Variants in KALRN observed in about 807,000 individuals in gnomAD.
KALRN encodes the protein kalirin RhoGEF kinase.
Under a neutral mutation model 353.7 loss-of-function variants are expected in KALRN, and 70 were observed. The observed-to-expected ratio is 0.20, with a 90% CI of 0.16 to 0.24. KALRN has a LOEUF of 0.24. KALRN is among the 10% of genes least tolerant of loss of function. The probability of loss-of-function intolerance (pLI) is 1.00; values close to 1 mark genes in which losing one functional copy is unlikely to be tolerated. For missense variants in KALRN, 2,791 were observed against 3,756.7 expected, an observed-to-expected ratio of 0.74 and a Z score of 6.72; for synonymous variants, 1,391 against 1,434.8, an observed-to-expected ratio of 0.97 and a Z score of 0.69.
chr3:124,551,294 G>A (rs557641238), intron 33 of KALRN, among the ~76,000 whole-genome samples: 1 of 152,330 alleles, frequency 6.6e-6, no homozygotes, highest in Admixed American at 6.5e-5. Flanking sequence ...ATAGATAAAG[G>A]CCTGTCTTTA....
chr3:124,212,597 G>C (rs569471748), intron 1 of KALRN, among the ~76,000 whole-genome samples: 29 of 152,064 alleles, frequency 1.9e-4, no homozygotes, highest in Non-Finnish European at 3.5e-4. Flanking sequence ...GCAAATATCT[G>C]TCCTCCTTTT....
intron 1 of KALRN, among the ~76,000 whole-genome samples, chr3:124,080,880 T>C (rs1459477647): frequency 1.3e-5 from 2 of 152,232 alleles, no homozygotes. Flanking sequence ...AGCATATCTT[T>C]GATCTCCTGA....
At chr3:124,418,706 G>A (rs1015299892) in intron 14 of KALRN, among the ~76,000 whole-genome samples, 5 of 152,152 alleles carry the variant, frequency 3.3e-5, no homozygotes, top group Admixed American at 6.6e-5. Flanking sequence ...GCAAACTAAC[G>A]CTTATTATTG....
chr3:124,321,469 C>T (rs570304295), intron 6 of KALRN, among the ~76,000 whole-genome samples: 10 of 152,302 alleles, frequency 6.6e-5, no homozygotes, highest in East Asian at 1.9e-4. Flanking sequence ...AGCCGGTAGG[C>T]GTAAGCCAGG....
chr3:124,104,667 G>A (rs1220324536), intron 1 of KALRN, among the ~76,000 whole-genome samples: 1 of 152,100 alleles, frequency 6.6e-6, no homozygotes, highest in African/African-American at 2.4e-5. Flanking sequence ...AGTACTACTG[G>A]GTTCATATGG....
At chr3:124,200,458 A>G (rs1030872912) in intron 1 of KALRN, among the ~76,000 whole-genome samples, 1 of 152,178 alleles carries the variant, frequency 6.6e-6, no homozygotes, top group East Asian at 1.9e-4. Context: ...AGCAGGGGCA[A>G]ATGGGCTCTC....
chr3:124,353,400 CTG>C (rs1033983228), intron 10 of KALRN, among the ~76,000 whole-genome samples: 1 of 152,110 alleles, frequency 6.6e-6, no homozygotes, highest in African/African-American at 2.4e-5. Flanking sequence ...GTGTTGGGCA[CTG>C]TGAAAAGTTA....
At position 124,725,034 on chromosome 3, in the gene KALRN, G is replaced by T. The variant is rs1367046804; in HGVS notation, c.*5564G>T. 6.6e-6 allele frequency: 1 copy of T among 152,206 alleles called. No homozygotes were observed. The highest frequency in any genetic ancestry group is 2.4e-5 in the African/African-American group (1 of 41,470). 9.4% of individuals were successfully genotyped at this position (152,206 alleles called of 1,614,324 possible). A position where few individuals can be genotyped will look rare whatever the true frequency, so the allele number is the denominator to read the frequency against. Reference sequence around the variant, plus strand: ...GAAAAGGAAGCATGGTAGAAGAAATGCAAATAACAATTCTTGGAATGCCAA... The same window carrying T: ...GAAAAGGAAGCATGGTAGAAGAAATTCAAATAACAATTCTTGGAATGCCAA... On this transcript the variant is annotated 3_prime_UTR_variant, in exon 60 of 60. Coordinates refer to ENST00000682506, the MANE Select transcript of KALRN (RefSeq NM_001388419.1).
chr3:124,492,708 G>A lies in KALRN; in HGVS notation c.4690-32G>A, dbSNP rs75995018. On this transcript the variant is annotated intron_variant, in intron 31 of 59. Coordinates refer to ENST00000682506, the MANE Select transcript of KALRN (RefSeq NM_001388419.1). ...TTTTTGGTAAGGTGATGGGAGTTGG[G>A]GTTCTCAGTCTTTCTCCCTGTGGCA... The A allele has an allele frequency of 1.1e-3, 1,844 of 1,608,398 alleles. 1 individual carries two copies. The highest frequency in any genetic ancestry group is 1.5e-3 in the Non-Finnish European group (1,713 of 1,175,868).
intron 37 of KALRN, among the ~76,000 whole-genome samples, chr3:124,642,912 G>A (rs2082264929): frequency 6.6e-6 from 1 of 150,582 alleles, no homozygotes; most frequent in South Asian, 2.1e-4. Context: ...CGCCTCCCGG[G>A]TTCAAGCTAT....
At chr3:124,300,014 A>T (rs1273935801) in intron 6 of KALRN, among the ~76,000 whole-genome samples, 1 of 152,196 alleles carries the variant, frequency 6.6e-6, no homozygotes, top group Non-Finnish European at 1.5e-5. Flanking sequence ...ACAGCTTATC[A>T]TTGTAGCTGG....
At chr3:124,499,177 A>G (rs1462582105) in intron 33 of KALRN, among the ~76,000 whole-genome samples, 1 of 152,142 alleles carries the variant, frequency 6.6e-6, no homozygotes, top group African/African-American at 2.4e-5. Flanking sequence ...ACCATTAAAG[A>G]GCCATGACAC....
chr3:124,070,060 G>A (rs1260030255), intron 1 of KALRN, among the ~76,000 whole-genome samples: 2 of 152,116 alleles, frequency 1.3e-5, no homozygotes, highest in African/African-American at 4.8e-5. Context: ...AAATAAGGAG[G>A]TGATGAAATA....
intron 3 of KALRN, among the ~76,000 whole-genome samples, chr3:124,250,336 G>A (rs1373048082): frequency 6.6e-6 from 1 of 152,224 alleles, no homozygotes; most frequent in African/African-American, 2.4e-5. Context: ...AGAGGGCAGG[G>A]AGAGGTGGGG....
At chr3:124,268,585 A>G in intron 4 of KALRN, 158 bp from the exon 5 acceptor site, 1 of 689,918 alleles carries the variant, frequency 1.4e-6, no homozygotes, top group Non-Finnish European at 2.4e-6. Context: ...CTGATCTGTG[A>G]CTCCTGACCA....
intron 33 of KALRN, among the ~76,000 whole-genome samples, chr3:124,507,455 A>T (rs2065362312): frequency 6.6e-6 from 1 of 152,260 alleles, no homozygotes; most frequent in Admixed American, 6.5e-5. Flanking sequence ...TACCACTGAT[A>T]CATGCCCAAA....
intron 33 of KALRN, among the ~76,000 whole-genome samples, chr3:124,528,968 A>G (rs1011398345): frequency 5.3e-5 from 8 of 152,236 alleles, no homozygotes; most frequent in Non-Finnish European, 7.3e-5. Flanking sequence ...TCCTATCCTG[A>G]TAAAAATTTA....
chr3:124,556,588 G>A (rs2071281803), intron 33 of KALRN, among the ~76,000 whole-genome samples: 1 of 152,262 alleles, frequency 6.6e-6, no homozygotes, highest in South Asian at 2.1e-4. Context: ...AGCTTCTATA[G>A]TGGCCCTAGA....
intron 47 of KALRN, among the ~76,000 whole-genome samples, chr3:124,670,237 G>A (rs559986859): frequency 6.6e-6 from 1 of 152,326 alleles, no homozygotes; most frequent in Admixed American, 6.5e-5. Flanking sequence ...ACCCGCCTTG[G>A]CCTCCCAAAG....
Sources: gnomAD v4.1 joint callset for allele counts (sites outside exome capture counted in the v4.1 genomes callset) on GRCh38, gnomAD v4.1.1 for gene constraint, MANE v1.5 for transcripts, NCBI Gene and HGNC (gene_info 2026-07-23, HGNC 2026-07-21) for gene names.